Variants in HS3ST1 observed in about 807,000 individuals in gnomAD.
HS3ST1 encodes the protein heparan sulfate-glucosamine 3-sulfotransferase 1, also known as heparan sulfate glucosamine 3-O-sulfotransferase 1.
HS3ST1 carries 8 observed loss-of-function variants against 20.7 expected under a neutral mutation model. That is an observed-to-expected ratio of 0.39 (90% CI 0.23 to 0.70). The LOEUF (loss-of-function observed/expected upper bound fraction) is 0.70, where lower values mean the gene tolerates loss of function less well. HS3ST1 is among the 30% of genes least tolerant of loss of function. The probability of loss-of-function intolerance (pLI) is 0.46; values close to 1 mark genes in which losing one functional copy is unlikely to be tolerated. For synonymous variants in HS3ST1, 205 were observed against 190.4 expected, an observed-to-expected ratio of 1.08 and a Z score of -0.63; for missense variants, 436 against 423.4, an observed-to-expected ratio of 1.03 and a Z score of -0.26.
intron 1 of HS3ST1, among the ~76,000 whole-genome samples, chr4:11,427,901 G>A (rs1171310985): frequency 6.6e-6 from 1 of 152,196 alleles, no homozygotes; most frequent in Non-Finnish European, 1.5e-5. Flanking sequence ...GGAGCAGCGC[G>A]CCGTCCGCCC....
At chr4:11,408,444 A>G (rs1162478827) in intron 1 of HS3ST1, among the ~76,000 whole-genome samples, 1 of 152,214 alleles carries the variant, frequency 6.6e-6, no homozygotes, top group Non-Finnish European at 1.5e-5. Flanking sequence ...AACCAGACAG[A>G]AGCTCAAAGA....
intron 1 of HS3ST1, among the ~76,000 whole-genome samples, chr4:11,424,210 C>T (rs371445465): frequency 4.6e-5 from 7 of 152,062 alleles, no homozygotes; most frequent in African/African-American, 7.2e-5. Flanking sequence ...TTAGAGTTTG[C>T]GACCCCTGCT....
In HS3ST1 at chr4:11,394,764, A is replaced by G. The variant is rs1718091583; in HGVS notation, c.*4318T>C. 2 of 152,244 alleles carry G rather than the reference A, an allele frequency of 1.3e-5. No homozygotes were observed. The highest frequency in any genetic ancestry group is 4.8e-5 in the African/African-American group (2 of 41,470). 9.4% of individuals were successfully genotyped at this position (152,244 alleles called of 1,614,324 possible). A position where few individuals can be genotyped will look rare whatever the true frequency, so the allele number is the denominator to read the frequency against. ...AGACAAAATTTCATTTGTAAGAAGTAATGGCTCTATCAACATGGGCAAGCC... is the reference window on the plus strand; with the variant it reads ...AGACAAAATTTCATTTGTAAGAAGTGATGGCTCTATCAACATGGGCAAGCC... On this transcript the variant is annotated 3_prime_UTR_variant, in exon 2 of 2. Coordinates refer to ENST00000002596, the MANE Select transcript of HS3ST1 (RefSeq NM_005114.4).
At chr4:11,424,365 C>G (rs954482418) in intron 1 of HS3ST1, among the ~76,000 whole-genome samples, 1 of 152,194 alleles carries the variant, frequency 6.6e-6, no homozygotes, top group Non-Finnish European at 1.5e-5. Flanking sequence ...TATTGACAAA[C>G]TACGGCCCAG....
intron 1 of HS3ST1, among the ~76,000 whole-genome samples, chr4:11,416,578 T>C (rs1348707359): frequency 1.3e-5 from 2 of 152,068 alleles, no homozygotes; most frequent in Non-Finnish European, 2.9e-5. Flanking sequence ...GTTTGTCCCA[T>C]GAGGGTTGGT....
In HS3ST1 at chr4:11,399,769, G is replaced by C; in HGVS notation, c.237C>G (p.Asp79Glu). Residue 79 changes from aspartate to glutamate, a missense_variant, in exon 2 of 2, where the codon GAC becomes GAG. Physicochemically the swap from Asp to Glu is conservative, Grantham distance 45 (BLOSUM62 2). Transcript: ENST00000002596. This position sits in a 1 kb window ranked among gnomAD's most constrained non-coding sequence, Gnocchi z 5.1. ...GGACCTCGTTCTCCGCGGCCGCCACGTCGGGGTGCAGGCTGAGCATCTCCA... is the reference window on the plus strand; with the variant it reads ...GGACCTCGTTCTCCGCGGCCGCCACCTCGGGGTGCAGGCTGAGCATCTCCA... ...ALLEMLSLHP[D>E]VAAAENEVHF... 6.2e-7 allele frequency: 1 copy of C among 1,613,724 alleles called. No individual in the cohort carries two copies. The highest frequency in any genetic ancestry group is 8.5e-7 in the Non-Finnish European group (1 of 1,180,012).
chr4:11,410,583 T>C (rs1718594594), intron 1 of HS3ST1, among the ~76,000 whole-genome samples: 1 of 152,124 alleles, frequency 6.6e-6, no homozygotes, highest in African/African-American at 2.4e-5. Context: ...CAGTGTTCTC[T>C]CTAGAAATTT....
intron 1 of HS3ST1, among the ~76,000 whole-genome samples, chr4:11,410,346 C>T (rs1210926117): frequency 6.6e-6 from 1 of 152,180 alleles, no homozygotes. Context: ...TCAGGGAGGG[C>T]CTCGAAGGAC....
chr4:11,432,663 AAG>A (rs1255966092), upstream of HS3ST1, among the ~76,000 whole-genome samples: 1 of 152,260 alleles, frequency 6.6e-6, no homozygotes, highest in Non-Finnish European at 1.5e-5. Flanking sequence ...GACCAAAACA[AAG>A]AGAGCATGAT....
chr4:11,427,801 C>T (rs1192701288), intron 1 of HS3ST1, among the ~76,000 whole-genome samples: 1 of 152,238 alleles, frequency 6.6e-6, no homozygotes, highest in Admixed American at 6.5e-5. Flanking sequence ...CGCGCCGGCA[C>T]CCGGCTTTGG....
chr4:11,427,329 G>A (rs1055456123), intron 1 of HS3ST1, among the ~76,000 whole-genome samples: 2 of 152,236 alleles, frequency 1.3e-5, no homozygotes, highest in East Asian at 3.9e-4. Flanking sequence ...GGCGGGAGGC[G>A]CAGCCGAGCT....
At chr4:11,433,387 A>G (rs1053555810), upstream of HS3ST1, among the ~76,000 whole-genome samples, 1 of 152,218 alleles carries the variant, frequency 6.6e-6, no homozygotes, top group Non-Finnish European at 1.5e-5. Flanking sequence ...GTAAACAACT[A>G]TAGACAAATA....
intron 1 of HS3ST1, among the ~76,000 whole-genome samples, chr4:11,410,570 C>T (rs1718594226): frequency 1.3e-5 from 2 of 152,210 alleles, no homozygotes; most frequent in South Asian, 4.1e-4. Context: ...GCTTGAGAGG[C>T]TGCAGTGTTC....
chr4:11,419,118 T>G (rs1344266574), intron 1 of HS3ST1, among the ~76,000 whole-genome samples: 1 of 151,294 alleles, frequency 6.6e-6, no homozygotes. Flanking sequence ...TGTCATGATT[T>G]TTCTTTTCTC....
rs536018120 is a variant in HS3ST1, at chr4:11,393,654, A to G, written c.*5428T>C. The G allele has an allele frequency of 1.3e-5, 2 of 152,372 alleles. No homozygotes were observed. The highest frequency in any genetic ancestry group is 4.1e-4 in the South Asian group (2 of 4,830). 9.4% of individuals were successfully genotyped at this position (152,372 alleles called of 1,614,324 possible). A position where few individuals can be genotyped will look rare whatever the true frequency, so the allele number is the denominator to read the frequency against. On this transcript the variant is annotated 3_prime_UTR_variant, in exon 2 of 2. Transcript: ENST00000002596. ...AAGAAATAAGTAAAAGTACAGTTTC[A>G]GGAGAAGTCTAGCCTCAGCCTGATC...
intron 1 of HS3ST1, among the ~76,000 whole-genome samples, chr4:11,426,452 CAG>C (rs1491141135): frequency 2.0e-5 from 3 of 149,050 alleles, no homozygotes; most frequent in African/African-American, 7.4e-5. Flanking sequence ...TAGGGGGACC[CAG>C]GGGGGGGGCT....
chr4:11,432,118 C>T (rs1434456034), upstream of HS3ST1, among the ~76,000 whole-genome samples: 1 of 152,116 alleles, frequency 6.6e-6, no homozygotes, highest in Non-Finnish European at 1.5e-5. Flanking sequence ...TCTGGTTTTT[C>T]TCTTTCCCAC....
chr4:11,414,991 G>A (rs1245885412), intron 1 of HS3ST1, among the ~76,000 whole-genome samples: 2 of 152,136 alleles, frequency 1.3e-5, no homozygotes, highest in Admixed American at 6.5e-5. Flanking sequence ...ACTGTGTAAG[G>A]GGAAAGATGG....
chr4:11,400,148 C>A, intron 1 of HS3ST1, 35 bp from the exon 2 acceptor site: 1 of 1,410,812 alleles, frequency 7.1e-7, no homozygotes, highest in Non-Finnish European at 9.2e-7. Context: ...TAACATATAA[C>A]AAATACAGGG....
Sources: gnomAD v4.1 joint callset for allele counts (sites outside exome capture counted in the v4.1 genomes callset) on GRCh38, gnomAD v4.1.1 for gene constraint, Gnocchi (gnomAD v3.1) non-coding constraint, MANE v1.5 for transcripts, NCBI Gene and HGNC (gene_info 2026-07-23, HGNC 2026-07-21) for gene names.